The following KCND2 variants were observed in gnomAD, a reference collection of about 807,000 sequenced individuals.
KCND2 encodes potassium voltage-gated channel subfamily D member 2.
In KCND2, 16 loss-of-function variants were observed where a neutral mutation model predicts 54.4. The observed-to-expected ratio is 0.29, with a 90% CI of 0.20 to 0.45. The LOEUF (loss-of-function observed/expected upper bound fraction) is 0.45, where lower values mean the gene tolerates loss of function less well. Among genes scored for constraint, KCND2 ranks in the 20% least tolerant of loss-of-function variants. KCND2 has a pLI of 1.00. For missense variants in KCND2, 486 were observed against 824.2 expected (o/e 0.59, Z 5.02); for synonymous variants, 317 against 310.7 (o/e 1.02, Z -0.21).
chr7:120,344,025 A>G (rs1800277938), intron 1 of KCND2, among the ~76,000 whole-genome samples: 1 of 152,160 alleles, frequency 6.6e-6, no homozygotes, highest in Non-Finnish European at 1.5e-5. Context: ...GGAATCATAG[A>G]TGATCTTAAA....
At chr7:120,372,217 C>T (rs1800774696) in intron 1 of KCND2, among the ~76,000 whole-genome samples, 1 of 151,866 alleles carries the variant, frequency 6.6e-6, no homozygotes, top group African/African-American at 2.4e-5. Flanking sequence ...AATTTACTCT[C>T]TTTCTTCAAG....
intron 1 of KCND2, among the ~76,000 whole-genome samples, chr7:120,728,117 A>T (rs1207759821): frequency 1.4e-5 from 2 of 141,776 alleles, no homozygotes; most frequent in Admixed American, 1.4e-4. Context: ...CTGGCAACAG[A>T]GGGAGATTCC....
At chr7:120,296,171 C>A (rs955034214) in intron 1 of KCND2, among the ~76,000 whole-genome samples, 41 of 152,030 alleles carry the variant, frequency 2.7e-4, no homozygotes, top group African/African-American at 9.9e-4. Flanking sequence ...CTCCTTTTGG[C>A]AGGGTCAGGA....
intron 1 of KCND2, among the ~76,000 whole-genome samples, chr7:120,399,782 G>A (rs1445159915): frequency 1.3e-5 from 2 of 151,658 alleles, no homozygotes; most frequent in Admixed American, 1.3e-4. Context: ...CTGGAATGCA[G>A]TGGTGTGATC....
chr7:120,558,799 C>T (rs575039111), intron 1 of KCND2, among the ~76,000 whole-genome samples: 2 of 152,082 alleles, frequency 1.3e-5, no homozygotes, highest in Non-Finnish European at 2.9e-5. Flanking sequence ...AATATCTACT[C>T]TCCTTGTCTG....
intron 1 of KCND2, among the ~76,000 whole-genome samples, chr7:120,336,372 A>G (rs563887606): frequency 1.3e-5 from 2 of 152,152 alleles, no homozygotes; most frequent in East Asian, 3.9e-4. Flanking sequence ...TTAGGGTCAT[A>G]TATGTTTTAG....
chr7:120,502,041 A>G (rs1333708142), intron 1 of KCND2, among the ~76,000 whole-genome samples: 2 of 152,084 alleles, frequency 1.3e-5, no homozygotes, highest in Non-Finnish European at 2.9e-5. Flanking sequence ...GTAATCAGAA[A>G]ACATCTTTTA....
At chr7:120,435,723 T>A (rs1183603130) in intron 1 of KCND2, among the ~76,000 whole-genome samples, 1 of 148,962 alleles carries the variant, frequency 6.7e-6, no homozygotes, top group Non-Finnish European at 1.5e-5. Flanking sequence ...CTGGCATGTC[T>A]AACCAGTGGA....
At chr7:120,487,937 T>C (rs888175504) in intron 1 of KCND2, among the ~76,000 whole-genome samples, 1 of 152,066 alleles carries the variant, frequency 6.6e-6, no homozygotes, top group Non-Finnish European at 1.5e-5. Flanking sequence ...CCCTAGCACT[T>C]TGGGAGGCCC....
intron 1 of KCND2, among the ~76,000 whole-genome samples, chr7:120,600,440 G>A (rs1792799857): frequency 1.3e-5 from 2 of 151,886 alleles, no homozygotes; most frequent in Admixed American, 1.3e-4. Flanking sequence ...TGTCTCACTA[G>A]AATAAGTTCT....
chr7:120,697,244 T>C (rs373488027), intron 1 of KCND2, among the ~76,000 whole-genome samples: 1 of 152,196 alleles, frequency 6.6e-6, no homozygotes, highest in Non-Finnish European at 1.5e-5. Flanking sequence ...CAACCAATAA[T>C]TTTTGCATTA....
chr7:120,743,598 G>T (rs1363433774), intron 4 of KCND2, among the ~76,000 whole-genome samples: 2 of 152,182 alleles, frequency 1.3e-5, no homozygotes, highest in African/African-American at 2.4e-5. Context: ...GTCAGGCAAG[G>T]CTTCCTGGAG....
intron 1 of KCND2, among the ~76,000 whole-genome samples, chr7:120,704,345 T>C (rs1792439746): frequency 6.6e-6 from 1 of 152,114 alleles, no homozygotes; most frequent in African/African-American, 2.4e-5. Context: ...ATTTTCAGGT[T>C]TTTTTTTCTT....
intron 1 of KCND2, among the ~76,000 whole-genome samples, chr7:120,450,186 G>C (rs1225332110): frequency 6.6e-6 from 1 of 152,194 alleles, no homozygotes; most frequent in Admixed American, 6.5e-5. Context: ...GCCGAGGCGG[G>C]TGGATCATGA....
intron 1 of KCND2, among the ~76,000 whole-genome samples, chr7:120,578,091 G>C (rs554610702): frequency 1.3e-5 from 2 of 151,454 alleles, no homozygotes; most frequent in Non-Finnish European, 2.9e-5. Context: ...GAAGGAGAAG[G>C]AGAGGAAGAG....
intron 1 of KCND2, among the ~76,000 whole-genome samples, chr7:120,695,034 G>A (rs982192711): frequency 6.6e-5 from 10 of 152,098 alleles, no homozygotes; most frequent in African/African-American, 2.4e-4. Flanking sequence ...CTGGATTGAT[G>A]ACTAGATCCT....
intron 1 of KCND2, among the ~76,000 whole-genome samples, chr7:120,307,458 T>C (rs1799665429): frequency 1.3e-5 from 2 of 152,086 alleles, no homozygotes; most frequent in African/African-American, 2.4e-5. Flanking sequence ...TTGAACATAG[T>C]GTATTCACAG....
intron 1 of KCND2, among the ~76,000 whole-genome samples, chr7:120,566,267 A>T (rs1002010359): frequency 6.6e-6 from 1 of 152,224 alleles, no homozygotes; most frequent in Non-Finnish European, 1.5e-5. Flanking sequence ...CTTTAGGTAA[A>T]ACAGACTGGA....
At chr7:120,647,585 G>A (rs926113060) in intron 1 of KCND2, among the ~76,000 whole-genome samples, 1 of 152,138 alleles carries the variant, frequency 6.6e-6, no homozygotes, top group Admixed American at 6.6e-5. Flanking sequence ...GGTTGATACA[G>A]CAAGAGTTTA....
Sources: gnomAD v4.1 joint callset for allele counts (sites outside exome capture counted in the v4.1 genomes callset) on GRCh38, gnomAD v4.1.1 for gene constraint, MANE v1.5 for transcripts, NCBI Gene and HGNC (gene_info 2026-07-23, HGNC 2026-07-21) for gene names.